PTCH1: variants seen among roughly 807,000 people sequenced by gnomAD.
PTCH1 encodes patched 1.
Under a neutral mutation model 144.6 loss-of-function variants are expected in PTCH1, and 14 were observed. That is an observed-to-expected ratio of 0.10 (90% confidence interval 0.06 to 0.15). The LOEUF (loss-of-function observed/expected upper bound fraction) is 0.15, where lower values mean the gene tolerates loss of function less well. PTCH1 is among the 10% of genes least tolerant of loss of function. The pLI is 1.00. For synonymous variants in PTCH1, 833 were observed against 793.6 expected (o/e 1.05, Z -0.83); for missense variants, 1,623 against 1,948.3 (o/e 0.83, Z 3.14).
At chr9:95,507,973 G>A (rs1320802194) in intron 1 of PTCH1, 188 bp downstream of exon 1, 25 of 1,488,642 alleles carry the variant, frequency 1.7e-5, no homozygotes, top group Non-Finnish European at 2.1e-5. Flanking sequence ...TTTCCTCCCA[G>A]GACCAGAGGG....
chr9:95,487,699 T>C (rs1367919063), intron 2 of PTCH1, among the ~76,000 whole-genome samples: 3 of 152,222 alleles, frequency 2.0e-5, no homozygotes, highest in Non-Finnish European at 2.9e-5. Flanking sequence ...CTTTGTGTTA[T>C]CACATCTAAT....
chr9:95,465,315 A>G (rs533108948), intron 15 of PTCH1, among the ~76,000 whole-genome samples: 2 of 152,292 alleles, frequency 1.3e-5, no homozygotes, highest in African/African-American at 4.8e-5. Context: ...CTGGCAGGGC[A>G]CAGCAGATCT....
chr9:95,500,074 C>T (rs763515348), intron 2 of PTCH1, among the ~76,000 whole-genome samples: 20 of 152,272 alleles, frequency 1.3e-4, no homozygotes, highest in Middle Eastern at 3.4e-3. Context: ...GACAAATCTC[C>T]CATGGCTTGT....
At chr9:95,459,115 A>G (rs1839226406) in intron 17 of PTCH1, among the ~76,000 whole-genome samples, 1 of 152,256 alleles carries the variant, frequency 6.6e-6, no homozygotes, top group Admixed American at 6.5e-5. Flanking sequence ...TGAAAGGAAG[A>G]GGACGCTGTT....
intron 15 of PTCH1, 83 bp from the exon 16 acceptor site, chr9:95,462,081 A>T: frequency 6.6e-7 from 1 of 1,521,148 alleles, no homozygotes; most frequent in Non-Finnish European, 9.1e-7. Context: ...GAGGAGACTG[A>T]GCAGGGCAGG....
At chr9:95,451,603 C>T (rs928885573) in intron 20 of PTCH1, 9 of 152,168 alleles carry the variant, frequency 5.9e-5, no homozygotes, top group Non-Finnish European at 2.9e-5. Flanking sequence ...CCTTGCATTT[C>T]CCCTGGTTTT....
At position 95,447,243 on chromosome 9, in the gene PTCH1, C is replaced by T. The variant is rs771238114; in HGVS notation, c.4013G>A (p.Arg1338His). ...AGAACGGGCCCCGCGAGGGCCCCAGCGGGCCCTATTGCTAGGGCCAGAATG... is the reference window on the plus strand; with the variant it reads ...AGAACGGGCCCCGCGAGGGCCCCAGTGGGCCCTATTGCTAGGGCCAGAATG... ...EGHSGPSNRA[R>H]WGPRGARSHN... The change falls in exon 23 of 24, where the codon CGC becomes CAC. Residue 1338 changes from arginine to histidine, a missense_variant. This residue lies in a region of PTCH1 where 291 missense variants were observed against 287.4 expected (regional missense o/e 1.01). Transcript: ENST00000331920. The T allele has an allele frequency of 2.3e-5, 37 of 1,612,636 alleles. No individual in the cohort carries two copies. The highest frequency in any genetic ancestry group is 1.2e-4 in the Admixed American group (7 of 60,032).
intron 2 of PTCH1, among the ~76,000 whole-genome samples, chr9:95,503,939 C>A (rs1339038741): frequency 1.9e-5 from 2 of 103,474 alleles, no homozygotes; most frequent in Non-Finnish European, 3.6e-5. Flanking sequence ...TGGCGTGAAC[C>A]CAGGAAGTGG....
intron 23 of PTCH1, chr9:95,446,596 C>A: frequency 4.2e-6 from 2 of 481,882 alleles, no homozygotes; most frequent in South Asian, 3.9e-5. Context: ...GTGACCAATT[C>A]GCTGTGGCAT....
chr9:95,470,492 A>G (rs1840468209), intron 12 of PTCH1, among the ~76,000 whole-genome samples: 2 of 152,194 alleles, frequency 1.3e-5, no homozygotes, highest in Admixed American at 6.5e-5. Context: ...AAGGTCAAGG[A>G]GAGTTAAGCA....
rs752197356 is a variant in PTCH1 at position 95,447,380 on chromosome 9, G to A, written c.3876C>T (p.Ser1292=). The A allele has an allele frequency of 6.2e-6, 10 of 1,612,820 alleles. No homozygotes were observed. Among genetic ancestry groups the A allele is most frequent in the Admixed American group, 1.7e-5 (1 of 59,964 alleles). The change falls in exon 23 of 24, where the codon TCC becomes TCT. Residue 1292 remains serine (S), a synonymous_variant. Coordinates refer to ENST00000331920, the MANE Select transcript of PTCH1 (RefSeq NM_000264.5). ...GCTGGCCTTGCCGTCCGGGAGGCAG[G>A]GACCCTGAGTCCAGGTGGGGCTGCT... ...PRQQPHLDSG[S]LPPGRQGQQP... is the part of the protein sequence containing the mutation.
intron 12 of PTCH1, among the ~76,000 whole-genome samples, chr9:95,470,195 C>T (rs918855282): frequency 3.9e-5 from 6 of 152,286 alleles, no homozygotes; most frequent in East Asian, 1.9e-4. Flanking sequence ...AAACTACTAA[C>T]GTGTTGCTAG....
At position 95,458,154 on chromosome 9, in the gene PTCH1, G is replaced by A. The variant is rs747234651; in HGVS notation, c.3027C>T (p.Tyr1009=). The A allele has an allele frequency of 2.0e-5, 32 of 1,614,092 alleles. No individual in the cohort carries two copies. In the African/African-American group the frequency reaches 3.7e-4, roughly 19 times the overall value. ...AGAAGAGGAAGGGGTAGCCGTTGGG[G>A]TAACTGGACAGCCCCAGGCTCGTAT... ...SNYTSLGLSS[Y]PNGYPFLFWE... Residue 1009 remains tyrosine, a synonymous_variant, in exon 18 of 24, where the codon TAC becomes TAT. Coordinates refer to ENST00000331920, the MANE Select transcript of PTCH1 (RefSeq NM_000264.5). This position sits in a 1 kb window ranked among gnomAD's most constrained non-coding sequence, Gnocchi z 4.7.
chr9:95,507,872 T>C, intron 1 of PTCH1: 4 of 1,230,488 alleles, frequency 3.3e-6, no homozygotes, highest in Non-Finnish European at 4.2e-6. Context: ...TTTCCAGTGC[T>C]CCGGAAAAGG....
Position 95,477,754 on chromosome 9 carries a change from T to C in PTCH1, c.1348-52A>G, listed in dbSNP as rs1564050595. ...AACAAAAGCCGAACATTAGAATGTG[T>C]TGTGATTCTAATGTTTCCCTCCACC... On this transcript the variant is annotated intron_variant, in intron 9 of 23. Transcript: ENST00000331920. 7 of 1,602,726 alleles carry C rather than the reference T, an allele frequency of 4.4e-6. 1 individual carries two copies. Among genetic ancestry groups the C allele is most frequent in the Admixed American group, 1.7e-5 (1 of 58,680 alleles).
chr9:95,490,371 C>T (rs891903168), intron 2 of PTCH1, among the ~76,000 whole-genome samples: 7 of 151,958 alleles, frequency 4.6e-5, no homozygotes, highest in African/African-American at 1.7e-4. Context: ...GTTCTAGCTA[C>T]TTCAGAGGCT....
chr9:95,450,069 T>C (rs2136609723), intron 20 of PTCH1, 129 bp from the exon 21 acceptor site: 2 of 833,546 alleles, frequency 2.4e-6, no homozygotes, highest in East Asian at 5.3e-5. Flanking sequence ...AAGGCTGTTA[T>C]CCAACCGCAG....
At chr9:95,507,522 T>TC (rs1257012149) in intron 1 of PTCH1, 1 of 851,466 alleles carries the variant, frequency 1.2e-6, no homozygotes, top group Non-Finnish European at 1.4e-6. Context: ...CAACTTTTCC[T>TC]CCCCCGACCA....
intron 1 of PTCH1, chr9:95,507,478 C>G: frequency 2.0e-6 from 2 of 976,492 alleles, no homozygotes; most frequent in Non-Finnish European, 2.4e-6. Context: ...GCTCCGCAGA[C>G]TCGCACCGCG....
Sources: gnomAD v4.1 joint callset for allele counts (sites outside exome capture counted in the v4.1 genomes callset) on GRCh38, gnomAD v4.1.1 for gene constraint, gnomAD v4.1.1 regional missense constraint, Gnocchi (gnomAD v3.1) non-coding constraint, MANE v1.5 for transcripts, NCBI Gene and HGNC (gene_info 2026-07-23, HGNC 2026-07-21) for gene names.